MEF2C: variants seen among roughly 807,000 people sequenced by gnomAD.
MEF2C encodes the protein myocyte-specific enhancer factor 2C.
Under a neutral mutation model 50.5 loss-of-function variants are expected in MEF2C, and 6 were observed. The observed-to-expected ratio is 0.12, with a 90% CI of 0.07 to 0.23. The LOEUF is 0.23. Ranked by LOEUF, MEF2C falls within the 10% of genes least tolerant of loss-of-function variation. The pLI is 1.00. For synonymous variants in MEF2C, 183 were observed against 228.0 expected (o/e 0.80, Z 1.78); for missense variants, 276 against 605.0 (o/e 0.46, Z 5.70).
At chr5:88,754,073 C>T (rs1193834279) in intron 4 of MEF2C, among the ~76,000 whole-genome samples, 1 of 152,218 alleles carries the variant, frequency 6.6e-6, no homozygotes, top group Non-Finnish European at 1.5e-5. Context: ...GTACTGTGTG[C>T]CCAGGAGCTG....
Position 88,717,140 on chromosome 5 carries a change from T to A in MEF2C, c.*5464A>T, listed in dbSNP as rs894724208. The A allele has an allele frequency of 6.6e-6, 1 of 152,232 alleles. No homozygotes were observed. The highest frequency in any genetic ancestry group is 2.4e-5 in the African/African-American group (1 of 41,456). 9.4% of individuals were successfully genotyped at this position (152,232 alleles called of 1,614,324 possible). A position where few individuals can be genotyped will look rare whatever the true frequency, so the allele number is the denominator to read the frequency against. On this transcript the variant is annotated 3_prime_UTR_variant, in exon 11 of 11. Coordinates refer to ENST00000504921, the MANE Select transcript of MEF2C (RefSeq NM_002397.5). ...TATAAAATTATTAAGGATAATTTTA[T>A]TATCAGGATATTATCAGGATAATGA...
intron 6 of MEF2C, chr5:88,737,113 A>G: frequency 1.0e-6 from 1 of 985,262 alleles, no homozygotes; most frequent in African/African-American, 1.7e-5. Flanking sequence ...GAAAGGCACT[A>G]AAAGGTAAGT....
At chr5:88,738,783 C>T in intron 6 of MEF2C, 1 of 985,288 alleles carries the variant, frequency 1.0e-6, no homozygotes, top group Non-Finnish European at 1.2e-6. Context: ...TCAACTTGGG[C>T]ATAGTAAATA....
intron 1 of MEF2C, among the ~76,000 whole-genome samples, chr5:88,826,022 A>G (rs1183198206): frequency 6.6e-6 from 1 of 151,950 alleles, no homozygotes; most frequent in Non-Finnish European, 1.5e-5. Flanking sequence ...ATAACCAAAC[A>G]AGCAGCAAAA....
At chr5:88,800,001 A>G (rs1211145794) in intron 3 of MEF2C, among the ~76,000 whole-genome samples, 1 of 152,122 alleles carries the variant, frequency 6.6e-6, no homozygotes, top group African/African-American at 2.4e-5. Context: ...TTTCTTCTGC[A>G]GGAGTTACAT....
intron 1 of MEF2C, among the ~76,000 whole-genome samples, chr5:88,878,591 T>C (rs893062577): frequency 6.6e-6 from 1 of 152,008 alleles, no homozygotes; most frequent in African/African-American, 2.4e-5. Flanking sequence ...ATAATATGTT[T>C]CCTTCCAAGG....
chr5:88,725,017 A>G (rs13170975), intron 10 of MEF2C, among the ~76,000 whole-genome samples: 5,683 of 152,202 alleles, frequency 0.037, 118 homozygotes, highest in South Asian at 0.054. Context: ...AGAAGAAAAA[A>G]TTGGTGAGTT....
chr5:88,734,699 A>G, intron 6 of MEF2C: 1 of 983,732 alleles, frequency 1.0e-6, no homozygotes, highest in Non-Finnish European at 1.2e-6. Context: ...GGGAAAAAAA[A>G]GTAAATATAC....
intron 3 of MEF2C, among the ~76,000 whole-genome samples, chr5:88,782,512 C>CA (rs1406568147): frequency 6.6e-6 from 1 of 151,382 alleles, no homozygotes; most frequent in Non-Finnish European, 1.5e-5. Context: ...ACAAACGCAA[C>CA]AAAAAACCTC....
intron 1 of MEF2C, among the ~76,000 whole-genome samples, chr5:88,851,334 G>C (rs1821277473): frequency 6.6e-6 from 1 of 151,900 alleles, no homozygotes. Context: ...CCAGTCAACA[G>C]TAGGCTACTA....
At chr5:88,825,574 A>T in intron 1 of MEF2C, 1 of 980,390 alleles carries the variant, frequency 1.0e-6, no homozygotes, top group Non-Finnish European at 1.2e-6. Flanking sequence ...GTTATAACAT[A>T]TTGAAATCAC....
rs188797534 is a variant in MEF2C, at chr5:88,751,426, T to C, written c.589+431A>G. On this transcript the variant is annotated intron_variant, in intron 5 of 10. Coordinates refer to ENST00000504921, the MANE Select transcript of MEF2C (RefSeq NM_002397.5). ...AAGTTACTGTATAAATAAAAAAAAA[T>C]TGACCCAAATAATAAATAACTAAAT... 2.0e-5 allele frequency: 20 copies of C among 984,736 alleles called. No individual in the cohort carries two copies. The Admixed American group carries it at 3.7e-4, about 18-fold the overall frequency. The allele number at this position is 984,736 out of a possible 1,614,324, so 61.0% of individuals were successfully genotyped here. A position where few individuals can be genotyped will look rare whatever the true frequency, so the allele number is the denominator to read the frequency against.
chr5:88,849,386 CTTAT>C lies in MEF2C; in HGVS notation c.-142-25460_-142-25457del, dbSNP rs755884969. ...TCTTTGTCCTGCAAAGATTGCAAAACTTATTTGTTAAAAATAAATAAATAATAAG... is the reference window on the plus strand; with the variant it reads ...TCTTTGTCCTGCAAAGATTGCAAAACTTGTTAAAAATAAATAAATAATAAG... On this transcript the variant is annotated intron_variant, in intron 1 of 10. Coordinates refer to ENST00000504921, the MANE Select transcript of MEF2C (RefSeq NM_002397.5). Among the ~76,000 whole-genome samples the C allele has an allele frequency of 1.1e-4, 16 of 152,012 alleles. 1 individual carries two copies. In the South Asian group the frequency reaches 2.3e-3, roughly 22 times the overall value.
At chr5:88,735,872 G>C (rs1207126211) in intron 6 of MEF2C, 1 of 985,362 alleles carries the variant, frequency 1.0e-6, no homozygotes, top group African/African-American at 1.7e-5. Flanking sequence ...TGAGCTCAAA[G>C]TTCTGAAACT....
At position 88,823,777 on chromosome 5, in the gene MEF2C, T is replaced by C. The variant is rs576172569; in HGVS notation, c.12A>G (p.Lys4=). The part of the protein sequence containing the change: MGR[K]KIQITRIMDE... ...CCATAATCCTCGTAATCTGAATCTT[T>C]TTTCTCCCCATAGTCCCCGTTTTTC... Residue 4 remains lysine (K), a synonymous_variant, in exon 2 of 11, where the codon AAA becomes AAG. Transcript: ENST00000504921. 6.2e-7 allele frequency: 1 copy of C among 1,609,578 alleles called. No homozygotes were observed. The highest frequency in any genetic ancestry group is 1.3e-5 in the African/African-American group (1 of 74,842).
intron 1 of MEF2C, among the ~76,000 whole-genome samples, chr5:88,862,891 T>C (rs1483296523): frequency 6.6e-6 from 1 of 152,234 alleles, no homozygotes; most frequent in Admixed American, 6.5e-5. Context: ...TCTGATACCA[T>C]CTTCACGGCT....
chr5:88,857,233 C>T (rs752969798), intron 1 of MEF2C, among the ~76,000 whole-genome samples: 1 of 152,098 alleles, frequency 6.6e-6, no homozygotes, highest in Non-Finnish European at 1.5e-5. Context: ...GGCCTGTAGC[C>T]CCTTTGTTTT....
chr5:88,800,191 T>G (rs1562108704), intron 3 of MEF2C, among the ~76,000 whole-genome samples: 1 of 152,124 alleles, frequency 6.6e-6, no homozygotes, highest in Admixed American at 6.5e-5. Context: ...AAGGATTTTG[T>G]GGTTACAAAA....
intron 1 of MEF2C, among the ~76,000 whole-genome samples, chr5:88,854,385 CA>C (rs1380854454): frequency 6.6e-6 from 1 of 152,022 alleles, no homozygotes; most frequent in Non-Finnish European, 1.5e-5. Context: ...CTCTGCACAC[CA>C]AAGAGCCTAC....
Sources: gnomAD v4.1 joint callset for allele counts (sites outside exome capture counted in the v4.1 genomes callset) on GRCh38, gnomAD v4.1.1 for gene constraint, MANE v1.5 for transcripts, NCBI Gene and HGNC (gene_info 2026-07-23, HGNC 2026-07-21) for gene names.